SMOC2: variants seen among roughly 807,000 people sequenced by gnomAD.
The protein encoded by SMOC2 is SPARC-related modular calcium-binding protein 2.
In SMOC2, 39 loss-of-function variants were observed where a neutral mutation model predicts 61.4. That is an observed-to-expected ratio of 0.64 (90% CI 0.49 to 0.83). The LOEUF is 0.83. Among genes scored for constraint, SMOC2 ranks in the 40% least tolerant of loss-of-function variants. The pLI is 0.00. For missense variants in SMOC2, 556 were observed against 592.9 expected (o/e 0.94, Z 0.65); for synonymous variants, 247 against 239.9 (o/e 1.03, Z -0.27).
At chr6:168,509,254 A>G (rs1200734495) in intron 1 of SMOC2, among the ~76,000 whole-genome samples, 3 of 152,218 alleles carry the variant, frequency 2.0e-5, no homozygotes, top group Admixed American at 6.5e-5. Flanking sequence ...GGTGATTTCT[A>G]TGGCCTGCGG....
At chr6:168,555,884 G>T (rs1051407753) in intron 7 of SMOC2, among the ~76,000 whole-genome samples, 2 of 152,152 alleles carry the variant, frequency 1.3e-5, no homozygotes, top group African/African-American at 4.8e-5. Flanking sequence ...TAAGGCCGAG[G>T]CAGCACCGGG....
At chr6:168,502,279 G>A (rs988744111) in intron 1 of SMOC2, among the ~76,000 whole-genome samples, 30 of 152,280 alleles carry the variant, frequency 2.0e-4, no homozygotes, top group Admixed American at 3.3e-4. Flanking sequence ...TATGAAACAG[G>A]AATCCTTGTT....
intron 7 of SMOC2, among the ~76,000 whole-genome samples, chr6:168,568,622 A>T (rs1784599304): frequency 6.6e-6 from 1 of 152,138 alleles, no homozygotes; most frequent in Non-Finnish European, 1.5e-5. Context: ...TGTACCCACC[A>T]TCATGGTATC....
In SMOC2 at chr6:168,613,807, TCTC is replaced by T. The variant is rs1341912279; in HGVS notation, c.907+5571_907+5573del. 2.1e-4 allele frequency among the ~76,000 whole-genome samples: 20 copies of T among 96,632 alleles called. 1 individual carries two copies. Among genetic ancestry groups the T allele is most frequent in the African/African-American group, 7.7e-4 (19 of 24,578 alleles). 63.4% of individuals were successfully genotyped at this position (96,632 alleles called of 152,430 possible). On this transcript the variant is annotated intron_variant, in intron 9 of 12. Transcript: ENST00000356284. ...CACCTACAGCCAGCACAGGGCCTCT[TCTC>T]CTAGAGCCAGCACAGGACCTCTTCA...
At chr6:168,599,823 ACACACG>A (rs1486487207) in intron 8 of SMOC2, among the ~76,000 whole-genome samples, 1 of 64,062 alleles carries the variant, frequency 1.6e-5, no homozygotes, top group African/African-American at 6.0e-5. Flanking sequence ...ACACACACAC[ACACACG>A]CCCCCCACAC....
At chr6:168,541,171 A>G in intron 4 of SMOC2, among the ~76,000 whole-genome samples, 1 of 152,062 alleles carries the variant, frequency 6.6e-6, no homozygotes, top group Admixed American at 6.5e-5. Context: ...TTATGACAAA[A>G]CCCACCCCTT....
chr6:168,651,519 C>A (rs960022702), intron 10 of SMOC2, among the ~76,000 whole-genome samples: 2 of 152,158 alleles, frequency 1.3e-5, no homozygotes, highest in Non-Finnish European at 2.9e-5. Context: ...CTGTTTCTTT[C>A]AAATAAAGTT....
At chr6:168,545,695 C>T (rs1783980506) in intron 5 of SMOC2, among the ~76,000 whole-genome samples, 1 of 152,240 alleles carries the variant, frequency 6.6e-6, no homozygotes, top group Admixed American at 6.5e-5. Context: ...CCCTCCCTGC[C>T]TGCCATTCAG....
intron 1 of SMOC2, among the ~76,000 whole-genome samples, chr6:168,479,610 C>T (rs1401534411): frequency 1.3e-5 from 2 of 152,192 alleles, no homozygotes; most frequent in African/African-American, 4.8e-5. Flanking sequence ...AGCAGCTACC[C>T]ACTCTCCACC....
intron 4 of SMOC2, among the ~76,000 whole-genome samples, chr6:168,536,268 T>C (rs920657712): frequency 6.6e-6 from 1 of 152,014 alleles, no homozygotes; most frequent in Non-Finnish European, 1.5e-5. Flanking sequence ...AAGGGGCCAG[T>C]GGGGGAGCCT....
chr6:168,621,726 C>T (rs1039573640), intron 9 of SMOC2, among the ~76,000 whole-genome samples: 18 of 151,534 alleles, frequency 1.2e-4, no homozygotes, highest in African/African-American at 4.4e-4. Flanking sequence ...CACGATCTCA[C>T]GCGGACTCAC....
intron 1 of SMOC2, among the ~76,000 whole-genome samples, chr6:168,478,274 C>T (rs949321222): frequency 1.3e-5 from 2 of 152,062 alleles, no homozygotes; most frequent in African/African-American, 2.4e-5. Flanking sequence ...AATGAATAGT[C>T]CAAAATGTCT....
At chr6:168,610,875 G>C (rs1785840588) in intron 9 of SMOC2, among the ~76,000 whole-genome samples, 1 of 152,090 alleles carries the variant, frequency 6.6e-6, no homozygotes, top group Non-Finnish European at 1.5e-5. Flanking sequence ...TTTCCTCCTG[G>C]GACTATCACA....
intron 9 of SMOC2, among the ~76,000 whole-genome samples, chr6:168,626,486 A>G (rs978833705): frequency 1.3e-5 from 2 of 152,208 alleles, no homozygotes; most frequent in Admixed American, 6.5e-5. Context: ...TGCAGTTAAC[A>G]GGAACACCTG....
intron 2 of SMOC2, among the ~76,000 whole-genome samples, chr6:168,524,636 C>T (rs1476479185): frequency 1.3e-5 from 2 of 152,220 alleles, no homozygotes; most frequent in South Asian, 4.1e-4. Flanking sequence ...ACAGTCAAAA[C>T]CACAGGTTAT....
intron 11 of SMOC2, among the ~76,000 whole-genome samples, chr6:168,659,573 AGTCAGGG>A (rs1787429238): frequency 1.5e-5 from 1 of 64,650 alleles, no homozygotes; most frequent in Non-Finnish European, 3.4e-5. Flanking sequence ...TTGTAGGTTG[AGTCAGGG>A]TGGAGGTTGT....
intron 9 of SMOC2, among the ~76,000 whole-genome samples, chr6:168,631,864 G>A (rs1786578919): frequency 6.6e-6 from 1 of 152,204 alleles, no homozygotes; most frequent in Non-Finnish European, 1.5e-5. Flanking sequence ...GAAGAGCAGA[G>A]TGAAGAGTTC....
intron 2 of SMOC2, among the ~76,000 whole-genome samples, chr6:168,518,397 GTA>G (rs1783203117): frequency 7.3e-6 from 1 of 136,798 alleles, no homozygotes; most frequent in Admixed American, 7.0e-5. Context: ...GTGTGATTGT[GTA>G]TGCTTGTGTG....
intron 8 of SMOC2, among the ~76,000 whole-genome samples, chr6:168,600,425 AAAAAAAAAC>A (rs1209936333): frequency 0.024 from 1,315 of 53,912 alleles, 255 homozygotes; most frequent in East Asian, 0.07. Flanking sequence ...AAAAAAACAA[AAAAAAAAAC>A]AAAAAAAAAA....
Sources: allele counts gnomAD v4.1 joint callset (sites outside exome capture counted in the v4.1 genomes callset), GRCh38; gene constraint gnomAD v4.1.1; transcripts MANE v1.5; gene names NCBI Gene and HGNC (gene_info 2026-07-23, HGNC 2026-07-21).